The following UBR2 variants were observed in gnomAD, a reference collection of about 807,000 sequenced individuals.
UBR2 encodes E3 ubiquitin-protein ligase UBR2.
Under a neutral mutation model 247.9 loss-of-function variants are expected in UBR2, and 92 were observed. The ratio of observed to expected loss-of-function variants is 0.37; its 90% confidence interval spans 0.31 to 0.44. The LOEUF is 0.44. Among genes scored for constraint, UBR2 ranks in the 20% least tolerant of loss-of-function variants. The probability of loss-of-function intolerance (pLI) is 1.00; values close to 1 mark genes in which losing one functional copy is unlikely to be tolerated. For missense variants in UBR2, 1,613 were observed against 2,112.6 expected (o/e 0.76, Z 4.64); for synonymous variants, 672 against 693.5 (o/e 0.97, Z 0.49).
At chr6:42,628,800 G>A (rs1678377464) in intron 11 of UBR2, among the ~76,000 whole-genome samples, 1 of 151,382 alleles carries the variant, frequency 6.6e-6, no homozygotes, top group Non-Finnish European at 1.5e-5. Flanking sequence ...TATTAAATAT[G>A]TGTTCAGTCA....
At chr6:42,630,273 C>T (rs1286879019) in intron 11 of UBR2, among the ~76,000 whole-genome samples, 2 of 151,406 alleles carry the variant, frequency 1.3e-5, no homozygotes, top group South Asian at 2.1e-4. Context: ...CAACCTCTGC[C>T]TCCTGAGTTC....
chr6:42,617,587 T>C, intron 11 of UBR2, 80 bp downstream of exon 11: 1 of 1,264,596 alleles, frequency 7.9e-7, no homozygotes, highest in Admixed American at 2.2e-5. Context: ...AAAGTCTGTA[T>C]ATTCCTGAAA....
intron 9 of UBR2, among the ~76,000 whole-genome samples, chr6:42,615,751 C>CTATCTCTT (rs376667774): frequency 0.017 from 2,440 of 147,298 alleles, 65 homozygotes; most frequent in African/African-American, 0.06. Flanking sequence ...AAGCAAGACC[C>CTATCTCTT]TAAAAAAAAA....
intron 1 of UBR2, among the ~76,000 whole-genome samples, chr6:42,572,348 T>C (rs1035197644): frequency 6.6e-6 from 1 of 152,230 alleles, no homozygotes; most frequent in African/African-American, 2.4e-5. Flanking sequence ...ATATTTAAAA[T>C]CTCTCTGTAT....
At position 42,637,057 on chromosome 6, in the gene UBR2, T is replaced by TG; in HGVS notation, c.1722dup (p.Gln575AlafsTer8). On this transcript the variant is annotated frameshift_variant, in exon 15 of 47. Transcript: ENST00000372901. LOFTEE classifies it high-confidence loss of function. ...TACAAGAAATGTCTCGCTGTACTGA[T>TG]GCAGTGTCATGGTGGTTATACTGAT... 1 of 1,614,062 alleles carries TG rather than the reference T, an allele frequency of 6.2e-7. No individual in the cohort carries two copies. Among genetic ancestry groups the TG allele is most frequent in the Non-Finnish European group, 8.5e-7 (1 of 1,179,960 alleles).
rs751705215 is a variant in UBR2 at position 42,603,664 on chromosome 6, T to C, written c.608T>C (p.Val203Ala). ...NIFAITFRYA[V>A]EILTWEKESE... The stretch of plus-strand genomic sequence containing the variant: ...TTTGCTATTACGTTTCGGTATGCAG[T>C]AGAAATATTAACCTGGGAAAAAGAA... Residue 203 changes from valine (V) to alanine (A), a missense_variant, in exon 5 of 47, where the codon GTA becomes GCA. This residue lies in a region of UBR2 where 1,524 missense variants were observed against 1,967.3 expected (regional missense o/e 0.77). Coordinates refer to ENST00000372901, the MANE Select transcript of UBR2 (RefSeq NM_001363705.2). The C allele has an allele frequency of 1.2e-6, 2 of 1,602,428 alleles. No individual in the cohort carries two copies. Among genetic ancestry groups the C allele is most frequent in the South Asian group, 2.3e-5 (2 of 87,960 alleles).
At chr6:42,576,013 TTTTCC>T (rs1791481518) in intron 2 of UBR2, among the ~76,000 whole-genome samples, 2 of 152,144 alleles carry the variant, frequency 1.3e-5, no homozygotes, top group South Asian at 4.1e-4. Context: ...GCTCTTTTTC[TTTTCC>T]TTTCCTTTTC....
At chr6:42,660,945 C>A (rs1306348682) in intron 30 of UBR2, among the ~76,000 whole-genome samples, 4 of 149,536 alleles carry the variant, frequency 2.7e-5, no homozygotes, top group African/African-American at 9.9e-5. Context: ...CCAGCCTGGG[C>A]AACGGAGCGA....
chr6:42,638,398 C>G (rs896920270), intron 15 of UBR2, among the ~76,000 whole-genome samples: 1 of 151,922 alleles, frequency 6.6e-6, no homozygotes, highest in African/African-American at 2.4e-5. Context: ...ATCACATTAT[C>G]CCACTGATAG....
intron 1 of UBR2, among the ~76,000 whole-genome samples, chr6:42,570,743 G>T (rs1791070538): frequency 6.6e-6 from 1 of 151,800 alleles, no homozygotes; most frequent in Non-Finnish European, 1.5e-5. Context: ...AAGTGCAGTG[G>T]CGTGATCATG....
intron 32 of UBR2, among the ~76,000 whole-genome samples, 181 bp from the exon 33 acceptor site, chr6:42,665,228 A>C (rs970318728): frequency 7.9e-5 from 12 of 152,184 alleles, no homozygotes; most frequent in Non-Finnish European, 1.8e-4. Context: ...ATATTGACAA[A>C]TAATATATTC....
Position 42,665,505 on chromosome 6 carries a change from T to C in UBR2, c.3795T>C (p.Ser1265=). 6.2e-7 allele frequency: 1 copy of C among 1,606,874 alleles called. No individual in the cohort carries two copies. Among genetic ancestry groups the C allele is most frequent in the Non-Finnish European group, 8.5e-7 (1 of 1,174,562 alleles). ...KALQFLRKEE[S]TPNNASTKNS... ...TACAGTTTCTTAGGAAAGAAGAAAG[T>C]ACTCCTAGTAAGTTCTGGTAACCTG... The change falls in exon 33 of 47, where the codon AGT becomes AGC. Residue 1265 remains serine, a synonymous_variant. Coordinates refer to ENST00000372901, the MANE Select transcript of UBR2 (RefSeq NM_001363705.2).
At chr6:42,660,609 C>G (rs1034593074) in intron 30 of UBR2, among the ~76,000 whole-genome samples, 2 of 152,076 alleles carry the variant, frequency 1.3e-5, no homozygotes, top group African/African-American at 4.8e-5. Flanking sequence ...GTTGCCTTCT[C>G]TCTGTAAAGA....
At chr6:42,611,102 T>A (rs1212158256) in intron 7 of UBR2, among the ~76,000 whole-genome samples, 10 of 148,554 alleles carry the variant, frequency 6.7e-5, no homozygotes, top group Non-Finnish European at 1.5e-4. Flanking sequence ...TGCCTCAGCC[T>A]TCCAAAGTGC....
intron 9 of UBR2, 51 bp from the exon 10 acceptor site, chr6:42,615,951 A>G (rs112753189): frequency 3.0e-6 from 4 of 1,322,370 alleles, no homozygotes; most frequent in South Asian, 1.5e-5. Context: ...CACTTGAGAA[A>G]TGTAATTGTT....
Position 42,609,721 on chromosome 6 carries a change from C to CA in UBR2, c.865-2438dup, listed in dbSNP as rs35337400. 5.8e-3 allele frequency among the ~76,000 whole-genome samples: 827 copies of CA among 142,160 alleles called. 6 individuals are homozygous for CA. The highest frequency in any genetic ancestry group is 0.016 in the African/African-American group (608 of 39,124). 93.3% of individuals were successfully genotyped at this position (142,160 alleles called of 152,430 possible). On this transcript the variant is annotated intron_variant, in intron 7 of 46. Coordinates refer to ENST00000372901, the MANE Select transcript of UBR2 (RefSeq NM_001363705.2). ...GCAACATGGCAAAATCCCATTCCTA[C>CA]AAAAAAAAAAAATAATAACAAAAAT...
chr6:42,690,968 G>A, intron 46 of UBR2, 64 bp from the exon 47 acceptor site: 1 of 1,582,410 alleles, frequency 6.3e-7, no homozygotes, highest in Middle Eastern at 1.7e-4. Context: ...AATCAGGAAG[G>A]GTTGGGTTAT....
chr6:42,570,594 CTT>C (rs907280499), intron 1 of UBR2, among the ~76,000 whole-genome samples: 1 of 152,026 alleles, frequency 6.6e-6, no homozygotes, highest in African/African-American at 2.4e-5. Context: ...ACTTTTAAGT[CTT>C]GTTATTTATA....
chr6:42,614,632 A>G (rs1020569787), intron 8 of UBR2, among the ~76,000 whole-genome samples: 8 of 152,178 alleles, frequency 5.3e-5, no homozygotes, highest in African/African-American at 1.9e-4. Flanking sequence ...CATTAATAAA[A>G]TGCATTGCTA....
Sources: allele counts gnomAD v4.1 joint callset (sites outside exome capture counted in the v4.1 genomes callset), GRCh38; gene constraint gnomAD v4.1.1; regional missense constraint gnomAD v4.1.1; transcripts MANE v1.5; gene names NCBI Gene and HGNC (gene_info 2026-07-23, HGNC 2026-07-21).